CNBD1: variants seen among roughly 807,000 people sequenced by gnomAD.
CNBD1 encodes cyclic nucleotide binding domain containing 1, also known as cyclic nucleotide-binding domain-containing protein 1.
In CNBD1, 71 loss-of-function variants were observed where a neutral mutation model predicts 54.4. The observed-to-expected ratio is 1.30, with a 90% CI of 1.08 to 1.59. The LOEUF (loss-of-function observed/expected upper bound fraction) is 1.59, where lower values mean the gene tolerates loss of function less well. Among genes scored for constraint, CNBD1 ranks in the 40% most tolerant of loss-of-function variants. The pLI, the probability that CNBD1 is intolerant of heterozygous loss-of-function variation, is 0.00. For synonymous variants in CNBD1, 182 were observed against 170.7 expected (o/e 1.07, Z -0.51); for missense variants, 659 against 518.0 (o/e 1.27, Z -2.64).
At chr8:87,137,540 G>A (rs1439818096) in intron 4 of CNBD1, among the ~76,000 whole-genome samples, 1 of 151,966 alleles carries the variant, frequency 6.6e-6, no homozygotes, top group Non-Finnish European at 1.5e-5. Flanking sequence ...CTTATAACAC[G>A]TTATAAACAC....
chr8:86,870,189 C>CCTTTTTTTTTTTTTTTTTTTTTTTTTT (rs1554626453), intron 1 of CNBD1, among the ~76,000 whole-genome samples: 1 of 100,624 alleles, frequency 9.9e-6, no homozygotes, highest in African/African-American at 4.0e-5. Context: ...AGATAGTACT[C>CCTTTTTTTTTTTTTTTTTTTTTTTTTT]TTTTTTTTTT....
chr8:87,306,909 A>G (rs902857690), intron 8 of CNBD1, among the ~76,000 whole-genome samples: 1 of 152,260 alleles, frequency 6.6e-6, no homozygotes, highest in African/African-American at 2.4e-5. Flanking sequence ...TAATTTACGG[A>G]AAATAAAATA....
intron 4 of CNBD1, among the ~76,000 whole-genome samples, chr8:86,979,402 C>CAAAAAAAAAA (rs776634552): frequency 3.9e-4 from 4 of 10,382 alleles, no homozygotes; most frequent in African/African-American, 1.3e-3. Flanking sequence ...ATCATCTCTA[C>CAAAAAAAAAA]AAAAAAAAAA....
At position 87,392,204 on chromosome 8, in the gene CNBD1, G is replaced by A. The variant is rs545614107; in HGVS notation, c.214-36342G>A. Among the ~76,000 whole-genome samples, 108 of 152,104 alleles carry A rather than the reference G, an allele frequency of 7.1e-4. 1 individual carries two copies. Among genetic ancestry groups the A allele is most frequent in the African/African-American group, 2.5e-3 (105 of 41,546 alleles). Reference sequence around the variant, plus strand: ...ATTCGTGCTCTCATACATAGCTTGTGGAAATGTGAAGGGGTACAGTCACTT... The same window carrying A: ...ATTCGTGCTCTCATACATAGCTTGTAGAAATGTGAAGGGGTACAGTCACTT... On this transcript the variant is annotated intron_variant, in intron 2 of 7. Coordinates refer to the CNBD1 transcript ENST00000521593.
chr8:87,094,456 T>C lies in CNBD1; in HGVS notation c.432-111537T>C, dbSNP rs181014535. On this transcript the variant is annotated intron_variant, in intron 4 of 10. Transcript: ENST00000518476. Reference sequence around the variant, plus strand: ...TTTTTCTTTAATGCTTTTTTTTTTTTCCCTGTCCAGGTTCATGTTAGCATA... The same window carrying C: ...TTTTTCTTTAATGCTTTTTTTTTTTCCCCTGTCCAGGTTCATGTTAGCATA... Among the ~76,000 whole-genome samples the C allele has an allele frequency of 3.0e-3, 452 of 150,978 alleles. 2 individuals carry two copies. Among genetic ancestry groups the C allele is most frequent in the African/African-American group, 0.01 (416 of 40,952 alleles).
At chr8:86,906,228 C>T (rs1203094057) in intron 3 of CNBD1, among the ~76,000 whole-genome samples, 1 of 152,058 alleles carries the variant, frequency 6.6e-6, no homozygotes, top group Non-Finnish European at 1.5e-5. Context: ...AAATATGTCT[C>T]CAGGGGTTGG....
intron 1 of CNBD1, among the ~76,000 whole-genome samples, chr8:86,881,515 G>C (rs1438561396): frequency 6.6e-6 from 1 of 152,052 alleles, no homozygotes; most frequent in Non-Finnish European, 1.5e-5. Context: ...AAATAAATCA[G>C]AAATGACACA....
intron 4 of CNBD1, among the ~76,000 whole-genome samples, chr8:87,066,137 A>G (rs1056991613): frequency 6.6e-6 from 1 of 152,020 alleles, no homozygotes; most frequent in African/African-American, 2.4e-5. Context: ...CATGAAAGGT[A>G]ATGTGCAAGT....
At chr8:87,366,444 G>C (rs535402567) in intron 10 of CNBD1, among the ~76,000 whole-genome samples, 4 of 152,140 alleles carry the variant, frequency 2.6e-5, no homozygotes, top group Non-Finnish European at 5.9e-5. Context: ...AATTCCTTCT[G>C]CTGACCCTCT....
intron 5 of CNBD1, among the ~76,000 whole-genome samples, chr8:87,208,170 T>G (rs922729498): frequency 1.7e-4 from 26 of 152,296 alleles, no homozygotes; most frequent in African/African-American, 6.3e-4. Flanking sequence ...TCCACACAGC[T>G]GTTTGTACCT....
chr8:87,058,663 G>C (rs1810477069), intron 4 of CNBD1, among the ~76,000 whole-genome samples: 1 of 152,104 alleles, frequency 6.6e-6, no homozygotes, highest in Non-Finnish European at 1.5e-5. Context: ...CTGTACCTTG[G>C]TCCCTTTAAC....
chr8:87,015,194 C>T (rs377316922), intron 4 of CNBD1, among the ~76,000 whole-genome samples: 14 of 152,034 alleles, frequency 9.2e-5, no homozygotes, highest in South Asian at 2.1e-4. Context: ...GGGGAGGGGG[C>T]GAACGGAGTC....
At chr8:87,245,276 T>C (rs868743047) in intron 6 of CNBD1, among the ~76,000 whole-genome samples, 1 of 152,040 alleles carries the variant, frequency 6.6e-6, no homozygotes, top group Non-Finnish European at 1.5e-5. Flanking sequence ...AAATTATACT[T>C]TGTGTAAAAT....
chr8:87,403,159 C>T (rs2130978796), intron 2 of CNBD1, among the ~76,000 whole-genome samples: 1 of 152,038 alleles, frequency 6.6e-6, no homozygotes, highest in East Asian at 1.9e-4. Flanking sequence ...TTTTTTAAAA[C>T]ATCACTACAG....
chr8:87,230,137 C>T (rs551059734), intron 5 of CNBD1, among the ~76,000 whole-genome samples: 364 of 152,174 alleles, frequency 2.4e-3, no homozygotes, highest in African/African-American at 8.4e-3. Flanking sequence ...GAGGGAGGTG[C>T]CACATAGTTT....
At chr8:87,229,050 G>A (rs1043917817) in intron 5 of CNBD1, among the ~76,000 whole-genome samples, 38 of 152,298 alleles carry the variant, frequency 2.5e-4, no homozygotes, top group Admixed American at 1.8e-3. Flanking sequence ...GATTAGGAAA[G>A]GGAACTCCCT....
chr8:87,121,580 A>G (rs753195310), intron 4 of CNBD1, among the ~76,000 whole-genome samples: 2 of 151,634 alleles, frequency 1.3e-5, no homozygotes, highest in Non-Finnish European at 3.0e-5. Flanking sequence ...ATTATTGACT[A>G]TTGTCACCCT....
intron 8 of CNBD1, among the ~76,000 whole-genome samples, chr8:87,312,996 G>T (rs892607408): frequency 6.6e-6 from 1 of 151,952 alleles, no homozygotes; most frequent in African/African-American, 2.4e-5. Context: ...CATACTCTAA[G>T]TGTTTTGAAT....
At chr8:86,942,496 A>G (rs571378237) in intron 4 of CNBD1, among the ~76,000 whole-genome samples, 1 of 152,302 alleles carries the variant, frequency 6.6e-6, no homozygotes, top group African/African-American at 2.4e-5. Flanking sequence ...TAGGACTGAC[A>G]TCCCCACTTT....
Sources: gnomAD v4.1 joint callset for allele counts (sites outside exome capture counted in the v4.1 genomes callset) on GRCh38, gnomAD v4.1.1 for gene constraint, MANE v1.5 for transcripts, NCBI Gene and HGNC (gene_info 2026-07-23, HGNC 2026-07-21) for gene names.